BPNT2: variants seen among roughly 807,000 people sequenced by gnomAD.
BPNT2 encodes 3'(2'), 5'-bisphosphate nucleotidase 2.
A neutral mutation model predicts 29.3 loss-of-function variants in BPNT2; 11 were observed. The ratio of observed to expected loss-of-function variants is 0.38; its 90% CI spans 0.24 to 0.62. The LOEUF (loss-of-function observed/expected upper bound fraction) is 0.62. Ranked by LOEUF, BPNT2 falls within the 20% of genes least tolerant of loss-of-function variation. The pLI is 0.62. For missense variants in BPNT2, 459 were observed against 473.4 expected (o/e 0.97, Z 0.28); for synonymous variants, 195 against 187.7 (o/e 1.04, Z -0.32).
At position 56,993,495 on chromosome 8, in the gene BPNT2, A is replaced by G; in HGVS notation, c.91T>C (p.Phe31Leu). 1 of 1,500,152 alleles carries G rather than the reference A, an allele frequency of 6.7e-7. No homozygotes were observed. Among genetic ancestry groups the G allele is most frequent in the Non-Finnish European group, 8.9e-7 (1 of 1,125,138 alleles). 92.9% of individuals were successfully genotyped at this position (1,500,152 alleles called of 1,614,324 possible). A position where few individuals can be genotyped will look rare whatever the true frequency, so the allele number is the denominator to read the frequency against. Residue 31 changes from phenylalanine to leucine, a missense_variant, in exon 1 of 5, where the codon TTC becomes CTC. Phe to Leu is a conservative substitution (Grantham distance 22). Transcript: ENST00000262644. The stretch of plus-strand genomic sequence containing the variant: ...AAGAGGCTGAAGCGGCCGGCCAAGA[A>G]GCCCGAGTAGAGGTGGTAGAGCACG... ...LGVLYHLYSG[F>L]LAGRFSLFGL...
chr8:56,980,819 TACACACACACACACAC>T (rs71258552), intron 1 of BPNT2, among the ~76,000 whole-genome samples: 5 of 141,510 alleles, frequency 3.5e-5, no homozygotes, highest in African/African-American at 7.9e-5. Context: ...TACATACATA[TACACACACACACACAC>T]ACACACACAC....
rs1202003851 is a variant in BPNT2 at position 56,963,046 on chromosome 8, G to GC, written c.*746dup. The GC allele has an allele frequency of 1.3e-5, 2 of 152,232 alleles. No homozygotes were observed. Among genetic ancestry groups the GC allele is most frequent in the East Asian group, 3.8e-4 (2 of 5,198 alleles). 9.4% of individuals were successfully genotyped at this position (152,232 alleles called of 1,614,324 possible). On this transcript the variant is annotated 3_prime_UTR_variant, in exon 5 of 5. Coordinates refer to ENST00000262644, the MANE Select transcript of BPNT2 (RefSeq NM_017813.5). ...GTCAGAAGGAAAAGGATGCAACCAT[G>GC]CATCTTCCACAGGGAAAATGAAAAT...
At position 56,993,740 on chromosome 8, in the gene BPNT2, G is replaced by C. The variant is rs548420336; in HGVS notation, c.-155C>G. ...CGGTGCGCCCCATCACTCCCTCCCA[G>C]GAAAGGCCGAGTTGCGCCGCGAAGA... On this transcript the variant is annotated 5_prime_UTR_variant, in exon 1 of 5. Coordinates refer to ENST00000262644, the MANE Select transcript of BPNT2 (RefSeq NM_017813.5). 3,024 of 949,642 alleles carry C rather than the reference G, an allele frequency of 3.2e-3. 7 individuals carry two copies. The highest frequency in any genetic ancestry group is 6.3e-3 in the Middle Eastern group (12 of 1,900). 58.8% of individuals were successfully genotyped at this position (949,642 alleles called of 1,614,324 possible).
chr8:56,984,779 T>A (rs528574961), intron 1 of BPNT2, among the ~76,000 whole-genome samples: 1 of 151,950 alleles, frequency 6.6e-6, no homozygotes, highest in Non-Finnish European at 1.5e-5. Context: ...GGTTTCTCAT[T>A]ATGCAGAGAT....
intron 1 of BPNT2, among the ~76,000 whole-genome samples, chr8:56,991,363 T>A (rs565185602): frequency 2.0e-5 from 3 of 152,392 alleles, no homozygotes; most frequent in Admixed American, 1.3e-4. Context: ...TTAGCTTTTA[T>A]GTTAATAAAA....
chr8:56,959,208 T>A lies in BPNT2; in HGVS notation c.*4585A>T, dbSNP rs1245463517. The A allele has an allele frequency of 1.3e-5, 2 of 152,330 alleles. No individual in the cohort carries two copies. Among genetic ancestry groups the A allele is most frequent in the Non-Finnish European group, 2.9e-5 (2 of 68,032 alleles). 9.4% of individuals were successfully genotyped at this position (152,330 alleles called of 1,614,324 possible). ...TCATCCTTAACTTCTGAAAGTTTGG[T>A]TTATGTTATCTTATCTAGAAAGAAA... is the stretch of plus-strand genomic sequence containing the variant. On this transcript the variant is annotated 3_prime_UTR_variant, in exon 5 of 5. Coordinates refer to ENST00000262644, the MANE Select transcript of BPNT2 (RefSeq NM_017813.5).
At chr8:56,980,819 T>TATATACACAC (rs755705861) in intron 1 of BPNT2, among the ~76,000 whole-genome samples, 108 of 141,506 alleles carry the variant, frequency 7.6e-4, no homozygotes, top group Middle Eastern at 3.6e-3. Context: ...TACATACATA[T>TATATACACAC]ACACACACAC....
chr8:56,965,024 A>G (rs924282984), intron 4 of BPNT2, among the ~76,000 whole-genome samples: 7 of 152,132 alleles, frequency 4.6e-5, no homozygotes, highest in Non-Finnish European at 8.8e-5. Context: ...TAGGCATAAA[A>G]GTTAAAAAGT....
At chr8:56,982,439 A>C (rs573420011) in intron 1 of BPNT2, among the ~76,000 whole-genome samples, 42 of 152,270 alleles carry the variant, frequency 2.8e-4, no homozygotes, top group Middle Eastern at 3.4e-3. Context: ...AATATTTCTC[A>C]GTACAGAGCA....
intron 1 of BPNT2, among the ~76,000 whole-genome samples, chr8:56,983,384 C>G (rs1166388532): frequency 2.0e-5 from 3 of 152,056 alleles, no homozygotes; most frequent in Non-Finnish European, 4.4e-5. Flanking sequence ...ATGAAAAGAT[C>G]CTAAGGTGGG....
At position 56,966,171 on chromosome 8, in the gene BPNT2, A is replaced by G; in HGVS notation, c.808+20T>C. On this transcript the variant is annotated intron_variant, in intron 4 of 4. Transcript: ENST00000262644. ...ATGCCAGGAACATTCTCCAGGGACC[A>G]CACAGGAAGAGGAACATACCAGCAC... 6.2e-7 allele frequency: 1 copy of G among 1,613,772 alleles called. No homozygotes were observed. Among genetic ancestry groups the G allele is most frequent in the Middle Eastern group, 1.6e-4 (1 of 6,062 alleles).
At chr8:56,972,077 C>T (rs1413520818) in intron 3 of BPNT2, among the ~76,000 whole-genome samples, 1 of 151,182 alleles carries the variant, frequency 6.6e-6, no homozygotes, top group Non-Finnish European at 1.5e-5. Context: ...CCGAGCGAGA[C>T]TCCGTCTCAA....
Sources: gnomAD v4.1 joint callset for allele counts (sites outside exome capture counted in the v4.1 genomes callset) on GRCh38, gnomAD v4.1.1 for gene constraint, MANE v1.5 for transcripts, NCBI Gene and HGNC (gene_info 2026-07-23, HGNC 2026-07-21) for gene names.